KMT2E: variants seen among roughly 807,000 people sequenced by gnomAD.
KMT2E encodes lysine methyltransferase 2E (inactive).
Under a neutral mutation model 184.6 loss-of-function variants are expected in KMT2E, and 30 were observed. The ratio of observed to expected loss-of-function variants is 0.16; its 90% CI spans 0.12 to 0.22. KMT2E has a LOEUF of 0.22. KMT2E is among the 10% of genes least tolerant of loss of function. The pLI is 1.00. For synonymous variants in KMT2E, 815 were observed against 776.5 expected (o/e 1.05, Z -0.82); for missense variants, 2,023 against 2,237.4 (o/e 0.90, Z 1.93).
In KMT2E at chr7:105,074,908, A is replaced by G. The variant is rs1168314342; in HGVS notation, c.729+93A>G. Reference sequence around the variant, plus strand: ...GGCAGGAGAGTGAGAATAATCGATGATAGCTAAAAAGGATCTAGCAGAAGT... The same window carrying G: ...GGCAGGAGAGTGAGAATAATCGATGGTAGCTAAAAAGGATCTAGCAGAAGT... On this transcript the variant is annotated intron_variant, in intron 8 of 26. Coordinates refer to ENST00000311117, the MANE Select transcript of KMT2E (RefSeq NM_182931.3). The G allele has an allele frequency of 4.6e-6, 4 of 866,982 alleles. No individual in the cohort carries two copies. The African/African-American group carries it at 5.3e-5, about 11-fold the overall frequency. The allele number at this position is 866,982 out of a possible 1,614,324, so 53.7% of individuals were successfully genotyped here. A position where few individuals can be genotyped will look rare whatever the true frequency, so the allele number is the denominator to read the frequency against.
intron 2 of KMT2E, among the ~76,000 whole-genome samples, chr7:105,038,858 G>A (rs919408836): frequency 6.6e-6 from 1 of 152,010 alleles, no homozygotes; most frequent in Non-Finnish European, 1.5e-5. Flanking sequence ...TGAAATACTT[G>A]CCTTAATGTC....
chr7:105,081,668 A>G lies in KMT2E; in HGVS notation c.1249-20A>G, dbSNP rs764658698. The G allele has an allele frequency of 3.5e-6, 4 of 1,138,450 alleles. No homozygotes were observed. Among genetic ancestry groups the G allele is most frequent in the African/African-American group, 1.6e-5 (1 of 64,344 alleles). 70.5% of individuals were successfully genotyped at this position (1,138,450 alleles called of 1,614,324 possible). On this transcript the variant is annotated intron_variant, in intron 12 of 26. Coordinates refer to ENST00000311117, the MANE Select transcript of KMT2E (RefSeq NM_182931.3). The stretch of plus-strand genomic sequence containing the variant: ...GGCAGAAAGTAATTTATGGTAATGT[A>G]CAATTATTTTAACTTTTAGGTGAGG...
chr7:105,050,323 A>G, intron 3 of KMT2E, among the ~76,000 whole-genome samples: 1 of 152,184 alleles, frequency 6.6e-6, no homozygotes, highest in South Asian at 2.1e-4. Context: ...TACCACACTT[A>G]ACTAACCACT....
intron 15 of KMT2E, among the ~76,000 whole-genome samples, chr7:105,095,610 C>A (rs1213004366): frequency 6.6e-6 from 1 of 152,090 alleles, no homozygotes; most frequent in East Asian, 1.9e-4. Context: ...TGAACATTTT[C>A]TTTTTCCATC....
intron 17 of KMT2E, chr7:105,104,985 T>A (rs1798831087): frequency 6.5e-6 from 1 of 153,574 alleles, no homozygotes; most frequent in Non-Finnish European, 1.4e-5. Context: ...CTGGGCAATA[T>A]AGCGGACCTT....
intron 15 of KMT2E, among the ~76,000 whole-genome samples, chr7:105,098,410 T>A (rs369581867): frequency 1.3e-5 from 2 of 152,094 alleles, no homozygotes; most frequent in South Asian, 4.2e-4. Context: ...CCACTAATTT[T>A]TTTGTTTGTT....
intron 3 of KMT2E, among the ~76,000 whole-genome samples, chr7:105,043,166 C>T (rs1795952706): frequency 6.6e-6 from 1 of 152,004 alleles, no homozygotes; most frequent in Admixed American, 6.6e-5. Flanking sequence ...TCTCTAAATG[C>T]CTCCTCAATT....
chr7:105,040,713 A>G (rs1188913894), intron 2 of KMT2E, 126 bp from the exon 3 acceptor site: 1 of 325,226 alleles, frequency 3.1e-6, no homozygotes, highest in African/African-American at 2.1e-5. Flanking sequence ...CAGAAAAATT[A>G]ATGAGAGAGA....
chr7:105,105,324 A>T, intron 17 of KMT2E, 115 bp from the exon 18 acceptor site: 1 of 725,840 alleles, frequency 1.4e-6, no homozygotes, highest in Non-Finnish European at 2.2e-6. Flanking sequence ...TGAATGATTT[A>T]AATTACCCAA....
chr7:105,046,914 C>G (rs1796130978), intron 3 of KMT2E, among the ~76,000 whole-genome samples: 9 of 152,154 alleles, frequency 5.9e-5, no homozygotes. Context: ...TCCACAGGCT[C>G]AAAGATTTGC....
intron 3 of KMT2E, among the ~76,000 whole-genome samples, chr7:105,060,677 C>T (rs1796780753): frequency 6.6e-6 from 1 of 152,048 alleles, no homozygotes; most frequent in Non-Finnish European, 1.5e-5. Context: ...TTCAAGTGAC[C>T]CTCCTGTCTC....
At chr7:105,054,445 GCTCT>G (rs1372994552) in intron 3 of KMT2E, among the ~76,000 whole-genome samples, 79 of 131,872 alleles carry the variant, frequency 6.0e-4, no homozygotes, top group Non-Finnish European at 1.1e-3. Context: ...AAAGCAAGTT[GCTCT>G]GTCTGTCTGT....
chr7:105,093,126 T>A (rs1456800703), intron 15 of KMT2E, among the ~76,000 whole-genome samples: 1 of 152,014 alleles, frequency 6.6e-6, no homozygotes, highest in Non-Finnish European at 1.5e-5. Flanking sequence ...GTCTAGGAGG[T>A]CAAGGCTGCA....
At position 105,043,426 on chromosome 7, in the gene KMT2E, C is replaced by T. The variant is rs374294539; in HGVS notation, c.71+2403C>T. Reference sequence around the variant, plus strand: ...TAATTTTTTGTATTTTTAGTAGAGACGGGGTTTCACCGTTTTAGCCGGGAT... The same window carrying T: ...TAATTTTTTGTATTTTTAGTAGAGATGGGGTTTCACCGTTTTAGCCGGGAT... On this transcript the variant is annotated intron_variant, in intron 3 of 26. Transcript: ENST00000311117. Among the ~76,000 whole-genome samples, 359 of 151,380 alleles carry T rather than the reference C, an allele frequency of 2.4e-3. 1 individual carries two copies. Among genetic ancestry groups the T allele is most frequent in the African/African-American group, 7.7e-3 (317 of 41,250 alleles).
At chr7:105,102,233 G>A (rs930153462) in intron 17 of KMT2E, 39 bp downstream of exon 17, 7 of 1,504,864 alleles carry the variant, frequency 4.7e-6, no homozygotes, top group Non-Finnish European at 6.2e-6. Context: ...TTTTCTAACA[G>A]TTTCTTATAT....
At chr7:105,083,568 A>G (rs1398259031) in intron 13 of KMT2E, among the ~76,000 whole-genome samples, 4 of 152,208 alleles carry the variant, frequency 2.6e-5, no homozygotes, top group Admixed American at 6.5e-5. Context: ...TTTCCCTTCA[A>G]GGCTTGGGTT....
At chr7:105,057,259 T>A (rs1175986313) in intron 3 of KMT2E, among the ~76,000 whole-genome samples, 1 of 152,192 alleles carries the variant, frequency 6.6e-6, no homozygotes, top group Admixed American at 6.5e-5. Flanking sequence ...ACCCAGTGTA[T>A]AGAGATTCTA....
intron 13 of KMT2E, among the ~76,000 whole-genome samples, chr7:105,084,878 A>G (rs1476013181): frequency 1.3e-5 from 2 of 152,158 alleles, no homozygotes; most frequent in African/African-American, 4.8e-5. Context: ...ATTTAATAAT[A>G]TGTCTTTACA....
intron 1 of KMT2E, among the ~76,000 whole-genome samples, chr7:105,018,980 TATAAA>T (rs1398522247): frequency 2.6e-5 from 4 of 152,142 alleles, no homozygotes; most frequent in Non-Finnish European, 4.4e-5. Flanking sequence ...CTTTGTATAA[TATAAA>T]ATGAGTATTT....
Sources: gnomAD v4.1 joint callset for allele counts (sites outside exome capture counted in the v4.1 genomes callset) on GRCh38, gnomAD v4.1.1 for gene constraint, MANE v1.5 for transcripts, NCBI Gene and HGNC (gene_info 2026-07-23, HGNC 2026-07-21) for gene names.